The following HIPK2 variants were observed in gnomAD, a reference collection of about 807,000 sequenced individuals.
The protein encoded by HIPK2 is homeodomain-interacting protein kinase 2.
HIPK2 carries 27 observed loss-of-function variants against 113.7 expected under a neutral mutation model. That is an observed-to-expected ratio of 0.24 (90% CI 0.17 to 0.33). HIPK2 has a LOEUF of 0.33. HIPK2 is among the 10% of genes least tolerant of loss of function. HIPK2 has a pLI of 1.00. For synonymous variants in HIPK2, 631 were observed against 642.2 expected, an observed-to-expected ratio of 0.98 and a Z score of 0.26; for missense variants, 1,257 against 1,588.0, an observed-to-expected ratio of 0.79 and a Z score of 3.54.
intron 2 of HIPK2, among the ~76,000 whole-genome samples, chr7:139,645,475 C>G (rs186095241): frequency 1.3e-5 from 2 of 152,158 alleles, no homozygotes; most frequent in Admixed American, 1.3e-4. Context: ...AAACAGGTAT[C>G]GTCTGAGGAG....
intron 1 of HIPK2, among the ~76,000 whole-genome samples, chr7:139,772,623 C>T (rs1243221247): frequency 6.6e-6 from 1 of 152,096 alleles, no homozygotes; most frequent in Non-Finnish European, 1.5e-5. Flanking sequence ...ACTCTCGCTC[C>T]ATTGCCCAGG....
At chr7:139,732,733 A>G (rs1795827493) in intron 1 of HIPK2, among the ~76,000 whole-genome samples, 1 of 145,394 alleles carries the variant, frequency 6.9e-6, no homozygotes, top group African/African-American at 2.5e-5. Context: ...TGAGGAGTAA[A>G]TGAACATATA....
intron 2 of HIPK2, among the ~76,000 whole-genome samples, chr7:139,647,597 T>TA (rs1801284990): frequency 1.3e-5 from 2 of 152,214 alleles, no homozygotes; most frequent in South Asian, 2.1e-4. Context: ...CATCTATCTA[T>TA]ATCTATCTAT....
chr7:139,705,462 C>T (rs1208785588), intron 2 of HIPK2, among the ~76,000 whole-genome samples: 3 of 152,012 alleles, frequency 2.0e-5, no homozygotes, highest in Non-Finnish European at 4.4e-5. Flanking sequence ...CTGCAAGCTC[C>T]GCCTCCTGGG....
Position 139,571,412 on chromosome 7 carries a change from G to C in HIPK2, c.*1515C>G, listed in dbSNP as rs1240605605. ...CTGGCCTCACAAATGGCGGAACTGG[G>C]GACAGAGTGGGGCAGGGGTGAAGGG... On this transcript the variant is annotated 3_prime_UTR_variant, in exon 15 of 15. Coordinates refer to ENST00000406875, the MANE Select transcript of HIPK2 (RefSeq NM_022740.5). The C allele has an allele frequency of 2.0e-5, 3 of 152,306 alleles. No individual in the cohort carries two copies. Among genetic ancestry groups the C allele is most frequent in the Non-Finnish European group, 2.9e-5 (2 of 68,092 alleles). The allele number at this position is 152,306 out of a possible 1,614,324, so 9.4% of individuals were successfully genotyped here.
chr7:139,677,316 T>C (rs975238738), intron 2 of HIPK2, among the ~76,000 whole-genome samples: 1 of 152,118 alleles, frequency 6.6e-6, no homozygotes, highest in Non-Finnish European at 1.5e-5. Flanking sequence ...ATAATGATCC[T>C]GTGACCATCC....
rs142827561 is a variant in HIPK2 at position 139,622,182 on chromosome 7, G to A, written c.1620-1619C>T. On this transcript the variant is annotated intron_variant, in intron 6 of 14. Coordinates refer to ENST00000406875, the MANE Select transcript of HIPK2 (RefSeq NM_022740.5). The stretch of plus-strand genomic sequence containing the variant: ...CAAGTTTCAAATGACTGACTGAGAC[G>A]CGACTTAGAGAGTCCTACTTCTTTC... Among the ~76,000 whole-genome samples, 8 of 152,236 alleles carry A rather than the reference G, an allele frequency of 5.3e-5. No homozygotes were observed. In the East Asian group the frequency reaches 9.7e-4, roughly 18 times the overall value.
Position 139,714,922 on chromosome 7 carries a change from C to T in HIPK2, c.1103+1010G>A, listed in dbSNP as rs1483907646. Among the ~76,000 whole-genome samples, 2 of 152,212 alleles carry T rather than the reference C, an allele frequency of 1.3e-5. No individual in the cohort carries two copies. The highest frequency in any genetic ancestry group is 2.9e-5 in the Non-Finnish European group (2 of 68,042). On this transcript the variant is annotated intron_variant, in intron 2 of 14. Transcript: ENST00000406875. The surrounding 1 kb of genome is among the most constrained non-coding windows in gnomAD (Gnocchi z 4.2). ...TACAGCCATGTTACCTCCCAGCTGC[C>T]CACGAGGCTGGTGAGAGGATTTCTC...
chr7:139,595,721 T>C (rs1251309106), intron 12 of HIPK2, among the ~76,000 whole-genome samples: 2 of 152,214 alleles, frequency 1.3e-5, no homozygotes, highest in African/African-American at 4.8e-5. Context: ...ATAATGAGAA[T>C]GTTTTCATCA....
chr7:139,632,918 A>G (rs1242426403), intron 2 of HIPK2, among the ~76,000 whole-genome samples: 1 of 146,052 alleles, frequency 6.8e-6, no homozygotes, highest in Non-Finnish European at 1.6e-5. Context: ...TCTCTACCAA[A>G]AACAAACAAA....
In HIPK2 at chr7:139,767,086, A is replaced by T. The variant is rs530734634; in HGVS notation, c.19+10519T>A. On this transcript the variant is annotated intron_variant, in intron 1 of 14. Transcript: ENST00000406875. Reference sequence around the variant, plus strand: ...CCAGGTCCCTGACTCTCTCACATCCAAGAAAAGCTTTCACCAAAACAACCA... The same window carrying T: ...CCAGGTCCCTGACTCTCTCACATCCTAGAAAAGCTTTCACCAAAACAACCA... Among the ~76,000 whole-genome samples, 69 of 152,240 alleles carry T rather than the reference A, an allele frequency of 4.5e-4. 4 individuals are homozygous for T. The highest frequency in any genetic ancestry group is 3.7e-4 in the Non-Finnish European group (25 of 68,038).
intron 11 of HIPK2, among the ~76,000 whole-genome samples, chr7:139,597,424 G>T (rs1395252072): frequency 6.6e-6 from 1 of 152,202 alleles, no homozygotes; most frequent in South Asian, 2.1e-4. Context: ...TGTTTTGGGG[G>T]TGGTGGAAGA....
chr7:139,777,504 C>A (rs1796799200), intron 1 of HIPK2, 101 bp downstream of exon 1: 1 of 381,348 alleles, frequency 2.6e-6, no homozygotes, highest in Non-Finnish European at 3.7e-6. Context: ...GGGGCTGGGG[C>A]AGGCGCCGGG....
chr7:139,716,728 C>T lies in HIPK2; in HGVS notation c.307G>A (p.Val103Ile). 6.2e-7 allele frequency: 1 copy of T among 1,613,944 alleles called. No homozygotes were observed. The highest frequency in any genetic ancestry group is 8.5e-7 in the Non-Finnish European group (1 of 1,179,882). ...GGTCCGCCGAGGACTTGCCCGGTGACAGAAGTGCTGCTTGCTGAGGTGACC... is the reference window on the plus strand; with the variant it reads ...GGTCCGCCGAGGACTTGCCCGGTGATAGAAGTGCTGCTTGCTGAGGTGACC... ...IVVTSASSTS[V>I]TGQVLGGPHN... The change falls in exon 2 of 15, where the codon GTC (valine) becomes ATC (isoleucine). Residue 103 changes from valine (V) to isoleucine (I), a missense_variant. This residue lies in a region of HIPK2 where 209 missense variants were observed against 237.8 expected (regional missense o/e 0.88). Coordinates refer to ENST00000406875, the MANE Select transcript of HIPK2 (RefSeq NM_022740.5). This position sits in a 1 kb window ranked among gnomAD's most constrained non-coding sequence, Gnocchi z 9.3.
chr7:139,663,393 C>T (rs1049499835), intron 2 of HIPK2, among the ~76,000 whole-genome samples: 2 of 151,690 alleles, frequency 1.3e-5, no homozygotes, highest in African/African-American at 4.9e-5. Flanking sequence ...GTCACAGGGG[C>T]CCTGAATGCT....
chr7:139,734,234 A>C (rs906515864), intron 1 of HIPK2, among the ~76,000 whole-genome samples: 1 of 152,124 alleles, frequency 6.6e-6, no homozygotes, highest in Admixed American at 6.6e-5. Context: ...GCTTCAGGAG[A>C]TCAATGTGTC....
chr7:139,722,097 A>G, intron 1 of HIPK2: 1 of 424,324 alleles, frequency 2.4e-6, no homozygotes, highest in Middle Eastern at 3.5e-4. Context: ...TGTTAATTAC[A>G]CAGACACGAG....
At chr7:139,726,958 C>T (rs1795596315) in intron 1 of HIPK2, among the ~76,000 whole-genome samples, 1 of 152,118 alleles carries the variant, frequency 6.6e-6, no homozygotes, top group Admixed American at 6.5e-5. Context: ...TGGTTTGGGG[C>T]AGATTTTGTT....
chr7:139,730,628 T>C (rs1478598087), intron 1 of HIPK2, among the ~76,000 whole-genome samples: 1 of 152,198 alleles, frequency 6.6e-6, no homozygotes, highest in Non-Finnish European at 1.5e-5. Flanking sequence ...CCCAAAGTGC[T>C]AGGATTATAG....
Sources: gnomAD v4.1 joint callset for allele counts (sites outside exome capture counted in the v4.1 genomes callset) on GRCh38, gnomAD v4.1.1 for gene constraint, gnomAD v4.1.1 regional missense constraint, Gnocchi (gnomAD v3.1) non-coding constraint, MANE v1.5 for transcripts, NCBI Gene and HGNC (gene_info 2026-07-23, HGNC 2026-07-21) for gene names.